LRRC4C: variants seen among roughly 807,000 people sequenced by gnomAD.
LRRC4C encodes leucine rich repeat containing 4C.
In LRRC4C, 5 loss-of-function variants were observed where a neutral mutation model predicts 33.6. The ratio of observed to expected loss-of-function variants is 0.15; its 90% CI spans 0.08 to 0.31. LRRC4C has a LOEUF of 0.31. Among genes scored for constraint, LRRC4C ranks in the 10% least tolerant of loss-of-function variants. LRRC4C has a pLI of 1.00. For missense variants in LRRC4C, 560 were observed against 796.7 expected (o/e 0.70, Z 3.58); for synonymous variants, 329 against 302.0 (o/e 1.09, Z -0.93).
At chr11:40,366,328 T>C (rs115235270) in intron 3 of LRRC4C, among the ~76,000 whole-genome samples, 3,557 of 152,172 alleles carry the variant, frequency 0.023, 116 homozygotes, top group African/African-American at 0.077. Context: ...CCAGCCTTGG[T>C]GATCCTTGAA....
At chr11:40,807,624 T>C (rs993843222) in intron 2 of LRRC4C, among the ~76,000 whole-genome samples, 18 of 152,212 alleles carry the variant, frequency 1.2e-4, no homozygotes, top group Non-Finnish European at 2.5e-4. Flanking sequence ...GGAGCTGTCA[T>C]CCAAAGCAGT....
In LRRC4C at chr11:41,163,284, G is replaced by GT. The variant is rs71466923; in HGVS notation, c.-495-229562dup. On this transcript the variant is annotated intron_variant, in intron 1 of 6. Transcript: ENST00000528697. ...GTAATAAACTTAGTTTACTGTAACTGTTTTTTTTTTTTTTTTTCAAACAGG... is the reference window on the plus strand; with the variant it reads ...GTAATAAACTTAGTTTACTGTAACTGTTTTTTTTTTTTTTTTTTCAAACAGG... 1.1e-3 allele frequency among the ~76,000 whole-genome samples: 82 copies of GT among 73,366 alleles called. 11 individuals carry two copies. The highest frequency in any genetic ancestry group is 2.6e-3 in the African/African-American group (52 of 19,860). 48.1% of individuals were successfully genotyped at this position (73,366 alleles called of 152,430 possible).
intron 2 of LRRC4C, among the ~76,000 whole-genome samples, chr11:40,784,981 C>T (rs1293204435): frequency 1.3e-5 from 2 of 151,868 alleles, no homozygotes; most frequent in African/African-American, 2.4e-5. Flanking sequence ...TACCGTCAGC[C>T]GACAGAAAGA....
intron 1 of LRRC4C, among the ~76,000 whole-genome samples, chr11:41,407,305 T>TC (rs1363143042): frequency 8.7e-5 from 13 of 150,286 alleles, no homozygotes; most frequent in African/African-American, 3.2e-4. Flanking sequence ...TTTTTCCTTT[T>TC]TTTTTTTTTT....
chr11:41,309,301 C>T (rs1007475491), intron 1 of LRRC4C, among the ~76,000 whole-genome samples: 2 of 152,164 alleles, frequency 1.3e-5, no homozygotes, highest in Non-Finnish European at 2.9e-5. Context: ...TCCACTGAGG[C>T]ACAGGGCTCA....
intron 1 of LRRC4C, among the ~76,000 whole-genome samples, chr11:41,397,326 T>C (rs1953858559): frequency 6.6e-6 from 1 of 151,896 alleles, no homozygotes; most frequent in Non-Finnish European, 1.5e-5. Flanking sequence ...ACCTCTTCTC[T>C]TTCTCCTCCT....
At chr11:41,156,382 C>T (rs931469300) in intron 1 of LRRC4C, among the ~76,000 whole-genome samples, 5 of 152,100 alleles carry the variant, frequency 3.3e-5, no homozygotes, top group Non-Finnish European at 7.4e-5. Flanking sequence ...ATGTCTTGCT[C>T]CCTTTAATAT....
At chr11:40,643,022 A>G (rs1942218746) in intron 3 of LRRC4C, among the ~76,000 whole-genome samples, 1 of 152,214 alleles carries the variant, frequency 6.6e-6, no homozygotes, top group Admixed American at 6.5e-5. Flanking sequence ...GCTTAAGAGG[A>G]TCTTGAAAAG....
intron 2 of LRRC4C, among the ~76,000 whole-genome samples, chr11:40,670,272 G>C (rs1007091481): frequency 8.5e-5 from 13 of 152,232 alleles, no homozygotes; most frequent in African/African-American, 2.6e-4. Flanking sequence ...GTGAAAATTT[G>C]AGCCTTGATA....
chr11:40,286,967 T>C (rs1334460283), intron 4 of LRRC4C, among the ~76,000 whole-genome samples: 1 of 152,152 alleles, frequency 6.6e-6, no homozygotes, highest in East Asian at 1.9e-4. Context: ...TTCTCCACAT[T>C]TTAATAACTA....
At chr11:41,282,319 G>A (rs970377301) in intron 1 of LRRC4C, among the ~76,000 whole-genome samples, 5 of 152,200 alleles carry the variant, frequency 3.3e-5, no homozygotes, top group Admixed American at 2.6e-4. Flanking sequence ...AAAGAGTGAA[G>A]GCAGGCGATT....
chr11:40,498,665 C>G (rs1451941475), intron 3 of LRRC4C, among the ~76,000 whole-genome samples: 1 of 152,108 alleles, frequency 6.6e-6, no homozygotes, highest in Non-Finnish European at 1.5e-5. Context: ...AGAATTGACT[C>G]AGAATAAATG....
At chr11:41,251,610 G>T (rs925925009) in intron 1 of LRRC4C, among the ~76,000 whole-genome samples, 2 of 152,208 alleles carry the variant, frequency 1.3e-5, no homozygotes, top group Non-Finnish European at 2.9e-5. Flanking sequence ...ATCACATTTT[G>T]TAGGGAGCAA....
intron 1 of LRRC4C, among the ~76,000 whole-genome samples, chr11:41,101,649 A>G (rs752085796): frequency 1.3e-5 from 2 of 152,214 alleles, no homozygotes; most frequent in Non-Finnish European, 2.9e-5. Context: ...ATTACTGGGT[A>G]TATACCCAAA....
At chr11:40,926,690 T>A (rs936938084) in intron 2 of LRRC4C, among the ~76,000 whole-genome samples, 5 of 152,204 alleles carry the variant, frequency 3.3e-5, no homozygotes, top group African/African-American at 1.2e-4. Context: ...TTTAAAATTA[T>A]ACTTTAAGTT....
intron 6 of LRRC4C, among the ~76,000 whole-genome samples, chr11:40,122,852 A>G (rs776808260): frequency 4.0e-5 from 6 of 148,856 alleles, no homozygotes; most frequent in Admixed American, 1.4e-4. Context: ...ATTTACTCCC[A>G]TGCAAAAACA....
chr11:40,764,755 G>T (rs1042939508), intron 2 of LRRC4C, among the ~76,000 whole-genome samples: 2 of 152,100 alleles, frequency 1.3e-5, no homozygotes, highest in Non-Finnish European at 2.9e-5. Flanking sequence ...CCATTTTTAG[G>T]GGGGGAACAT....
rs148478892 is a variant in LRRC4C at position 41,179,182 on chromosome 11, C to G, written c.-495-245459G>C. 8.3e-3 allele frequency among the ~76,000 whole-genome samples: 1,241 copies of G among 149,310 alleles called. 26 individuals carry two copies. Among genetic ancestry groups the G allele is most frequent in the African/African-American group, 0.029 (1,179 of 40,478 alleles). The stretch of plus-strand genomic sequence containing the variant: ...TTTAGAAAAGGAAGCAATCCTCAAG[C>G]CTCTTTTTTTTTTTTTTTTAAGATA... On this transcript the variant is annotated intron_variant, in intron 1 of 6. Coordinates refer to ENST00000528697, the MANE Select transcript of LRRC4C (RefSeq NM_001258419.2).
At chr11:40,850,737 C>A (rs1953443238) in intron 2 of LRRC4C, among the ~76,000 whole-genome samples, 1 of 152,232 alleles carries the variant, frequency 6.6e-6, no homozygotes, top group Admixed American at 6.5e-5. Flanking sequence ...ACAGCCGCCC[C>A]TTCCCCCTGG....
Sources: gnomAD v4.1 joint callset for allele counts (sites outside exome capture counted in the v4.1 genomes callset) on GRCh38, gnomAD v4.1.1 for gene constraint, MANE v1.5 for transcripts, NCBI Gene and HGNC (gene_info 2026-07-23, HGNC 2026-07-21) for gene names.